The following MEI1 variants were observed in gnomAD, a reference collection of about 807,000 sequenced individuals.
MEI1 encodes meiosis inhibitor protein 1.
In MEI1, 103 loss-of-function variants were observed where a neutral mutation model predicts 146.2. That is an observed-to-expected ratio of 0.70 (90% CI 0.60 to 0.83). The LOEUF (loss-of-function observed/expected upper bound fraction) is 0.83, where lower values mean the gene tolerates loss of function less well. Among genes scored for constraint, MEI1 ranks in the 40% least tolerant of loss-of-function variants. The pLI is 0.00. For synonymous variants in MEI1, 652 were observed against 628.2 expected (o/e 1.04, Z -0.57); for missense variants, 1,529 against 1,533.0 (o/e 1.00, Z 0.04).
intron 22 of MEI1, among the ~76,000 whole-genome samples, chr22:41,779,065 C>T (rs2075619204): frequency 6.6e-6 from 1 of 152,092 alleles, no homozygotes; most frequent in African/African-American, 2.4e-5. Flanking sequence ...GTGCTCATGC[C>T]TGTAATCCCA....
chr22:41,797,859 CA>C (rs1442558659), intron 30 of MEI1, among the ~76,000 whole-genome samples: 1 of 152,022 alleles, frequency 6.6e-6, no homozygotes, highest in Non-Finnish European at 1.5e-5. Flanking sequence ...TGTAAAGCAC[CA>C]AAAACAGCTC....
intron 6 of MEI1, among the ~76,000 whole-genome samples, chr22:41,722,773 C>T (rs1479472678): frequency 6.6e-6 from 1 of 152,096 alleles, no homozygotes; most frequent in African/African-American, 2.4e-5. Context: ...TGATTTCCTG[C>T]GGTCCTCTGG....
In MEI1 at chr22:41,712,672, ATGTG is replaced by A. The variant is rs140926503; in HGVS notation, c.350-1303_350-1300del. ...TTTAAGTATATTTAAATAGAAATAG[ATGTG>A]TGTGTGTGTGTGTGTGTGTGTGTGT... On this transcript the variant is annotated intron_variant, in intron 3 of 30. Coordinates refer to ENST00000401548, the MANE Select transcript of MEI1 (RefSeq NM_152513.4). Among the ~76,000 whole-genome samples the A allele has an allele frequency of 1.4e-3, 213 of 147,084 alleles. 2 individuals are homozygous for A. Among genetic ancestry groups the A allele is most frequent in the East Asian group, 6.3e-3 (32 of 5,062 alleles).
Position 41,795,376 on chromosome 22 carries a change from C to T in MEI1, c.3535-35C>T. ...GTCTATGATGAAGGAGATGCCAAAT[C>T]ACTGGGTGTTTGGGGGTTTCTCTTC... On this transcript the variant is annotated intron_variant, in intron 28 of 30. Coordinates refer to ENST00000401548, the MANE Select transcript of MEI1 (RefSeq NM_152513.4). The surrounding 1 kb of genome is among the most constrained non-coding windows in gnomAD (Gnocchi z 4.2). 1 of 1,610,944 alleles carries T rather than the reference C, an allele frequency of 6.2e-7. No individual in the cohort carries two copies. The highest frequency in any genetic ancestry group is 8.5e-7 in the Non-Finnish European group (1 of 1,177,782).
At chr22:41,717,840 T>G (rs555751208) in intron 5 of MEI1, among the ~76,000 whole-genome samples, 1 of 152,138 alleles carries the variant, frequency 6.6e-6, no homozygotes, top group Non-Finnish European at 1.5e-5. Context: ...GGTCTCGAAC[T>G]CCTGACCTTA....
chr22:41,740,479 C>CA (rs1184683183), intron 11 of MEI1, among the ~76,000 whole-genome samples: 3 of 152,084 alleles, frequency 2.0e-5, no homozygotes, highest in Non-Finnish European at 4.4e-5. Context: ...TAGTGGCTCA[C>CA]ACCTGTAATC....
intron 3 of MEI1, among the ~76,000 whole-genome samples, chr22:41,708,386 T>C (rs1672236599): frequency 6.6e-6 from 1 of 152,196 alleles, no homozygotes; most frequent in African/African-American, 2.4e-5. Context: ...CACACCTTCA[T>C]TCCTGAAAGG....
At chr22:41,701,467 TGAG>T (rs2068721913) in intron 1 of MEI1, among the ~76,000 whole-genome samples, 1 of 152,018 alleles carries the variant, frequency 6.6e-6, no homozygotes, top group Non-Finnish European at 1.5e-5. Flanking sequence ...TAAAAAAAAA[TGAG>T]GAAGACTAAG....
At chr22:41,702,611 A>G (rs902268059) in intron 1 of MEI1, among the ~76,000 whole-genome samples, 1 of 151,716 alleles carries the variant, frequency 6.6e-6, no homozygotes, top group Non-Finnish European at 1.5e-5. Context: ...ACGCCTAGCT[A>G]ATTTTGTATT....
At position 41,795,855 on chromosome 22, in the gene MEI1, T is replaced by C. The variant is rs2076338778; in HGVS notation, c.3779+8T>C. The C allele has an allele frequency of 6.2e-7, 1 of 1,613,330 alleles. No individual in the cohort carries two copies. The highest frequency in any genetic ancestry group is 2.2e-5 in the East Asian group (1 of 44,772). On this transcript the variant is annotated splice_region_variant and intron_variant, in intron 30 of 30. Transcript: ENST00000401548. This position sits in a 1 kb window ranked among gnomAD's most constrained non-coding sequence, Gnocchi z 4.2. ...ACCCCTGCAGGACATGCTGTATCCT[T>C]TCTTGCATCTATGATGAAGGAGATG...
intron 7 of MEI1, among the ~76,000 whole-genome samples, chr22:41,724,743 A>T (rs986667476): frequency 6.6e-6 from 1 of 151,788 alleles, no homozygotes; most frequent in African/African-American, 2.4e-5. Flanking sequence ...TTGAGCCATG[A>T]TCATGCCACT....
intron 1 of MEI1, among the ~76,000 whole-genome samples, chr22:41,700,290 C>T (rs1262702277): frequency 1.3e-5 from 2 of 152,192 alleles, no homozygotes; most frequent in Admixed American, 6.5e-5. Context: ...CTGGCCAAAG[C>T]GGGCTGCCTG....
rs555220956 is a variant in MEI1 at position 41,775,991 on chromosome 22, G to A, written c.2545-111G>A. On this transcript the variant is annotated intron_variant, in intron 20 of 30. Transcript: ENST00000401548. ...TGCTGAGTAAGTGACAGATTACCCA[G>A]TTTTTGTGACATCATAATTATGGGC... is the stretch of plus-strand genomic sequence containing the variant. 27 of 1,134,934 alleles carry A rather than the reference G, an allele frequency of 2.4e-5. No homozygotes were observed. The African/African-American group carries it at 3.6e-4, about 15-fold the overall frequency. 70.3% of individuals were successfully genotyped at this position (1,134,934 alleles called of 1,614,324 possible).
In MEI1 at chr22:41,776,112, A is replaced by C. The variant is rs776006107; in HGVS notation, c.2555A>C (p.Tyr852Ser). The C allele has an allele frequency of 6.2e-7, 1 of 1,613,810 alleles. No homozygotes were observed. Among genetic ancestry groups the C allele is most frequent in the Non-Finnish European group, 8.5e-7 (1 of 1,179,834 alleles). ...SILLILLDLI[Y>S]SSPVDTAHKV... ...TTCTCTCCTGCTCAGGACCTCATCT[A>C]TTCCAGCCCAGTGGACACAGCTCAC... Residue 852 changes from tyrosine to serine, a missense_variant, in exon 21 of 31, where the codon TAT (tyrosine) becomes TCT (serine). Tyr to Ser is a moderately radical substitution (Grantham distance 144). Transcript: ENST00000401548.
chr22:41,714,274 C>A (rs2069885934), intron 4 of MEI1, among the ~76,000 whole-genome samples, 199 bp downstream of exon 4: 1 of 152,136 alleles, frequency 6.6e-6, no homozygotes, highest in African/African-American at 2.4e-5. Context: ...TTCTTCTTTC[C>A]CCTTTCAATC....
chr22:41,763,846 G>GT (rs1283128213), intron 19 of MEI1, among the ~76,000 whole-genome samples: 1 of 151,874 alleles, frequency 6.6e-6, no homozygotes, highest in Non-Finnish European at 1.5e-5. Flanking sequence ...TTGAAAACTG[G>GT]TAACCACAGG....
At chr22:41,716,236 G>C in intron 5 of MEI1, 90 bp downstream of exon 5, 1 of 849,276 alleles carries the variant, frequency 1.2e-6, no homozygotes, top group Non-Finnish European at 1.9e-6. Flanking sequence ...TGTACACCTG[G>C]GAAGTCATTA....
At position 41,732,555 on chromosome 22, in the gene MEI1, T is replaced by G. The variant is rs532442418; in HGVS notation, c.1283T>G (p.Val428Gly). The change falls in exon 11 of 31, where the codon GTG becomes GGG. Residue 428 changes from valine (V) to glycine (G), a missense_variant. Around this residue, in one of 3 missense-constraint regions of MEI1, gnomAD observed 1,212 missense variants for 1,178.9 expected, o/e 1.03. Coordinates refer to ENST00000401548, the MANE Select transcript of MEI1 (RefSeq NM_152513.4). Reference protein sequence around the residue: ...RALQEAVSSPVLEVAAEALKA... With the variant: ...RALQEAVSSPGLEVAAEALKA... ...CTCCAAGAAGCAGTTAGCAGCCCTG[T>G]GCTGGAGGTGGCTGCTGAGGCCTTG... 1 of 1,613,806 alleles carries G rather than the reference T, an allele frequency of 6.2e-7. No individual in the cohort carries two copies. The highest frequency in any genetic ancestry group is 8.5e-7 in the Non-Finnish European group (1 of 1,179,870).
rs1569163375 is a variant in MEI1, at chr22:41,716,150, A to G, written c.529+4A>G. The G allele has an allele frequency of 3.1e-6, 5 of 1,598,070 alleles. No homozygotes were observed. The highest frequency in any genetic ancestry group is 4.3e-6 in the Non-Finnish European group (5 of 1,170,836). On this transcript the variant is annotated splice_donor_region_variant and intron_variant, in intron 5 of 30. Coordinates refer to ENST00000401548, the MANE Select transcript of MEI1 (RefSeq NM_152513.4). ...GACGAGCTTGTAATGGAGCATGGTG[A>G]GTGACCTGTGGGAGGAGCTGCCACT...
Sources: gnomAD v4.1 joint callset for allele counts (sites outside exome capture counted in the v4.1 genomes callset) on GRCh38, gnomAD v4.1.1 for gene constraint, gnomAD v4.1.1 regional missense constraint, Gnocchi (gnomAD v3.1) non-coding constraint, MANE v1.5 for transcripts, NCBI Gene and HGNC (gene_info 2026-07-23, HGNC 2026-07-21) for gene names.